The following PTPN3 variants were observed in gnomAD, a reference collection of about 807,000 sequenced individuals.
PTPN3 encodes tyrosine-protein phosphatase non-receptor type 3.
Under a neutral mutation model 132.7 loss-of-function variants are expected in PTPN3, and 96 were observed. That is an observed-to-expected ratio of 0.72 (90% CI 0.61 to 0.86). The LOEUF (loss-of-function observed/expected upper bound fraction) is 0.86, where lower values mean the gene tolerates loss of function less well. PTPN3 is among the 40% of genes least tolerant of loss of function. The probability of loss-of-function intolerance (pLI) is 0.00; values close to 1 mark genes in which losing one functional copy is unlikely to be tolerated. For missense variants in PTPN3, 1,125 were observed against 1,159.6 expected, an observed-to-expected ratio of 0.97 and a Z score of 0.43; for synonymous variants, 398 against 429.0, an observed-to-expected ratio of 0.93 and a Z score of 0.89.
At chr9:109,529,283 G>T in the PTPN3 span, among the ~76,000 whole-genome samples, 2 of 152,204 alleles carry the variant, frequency 1.3e-5, no homozygotes, top group South Asian at 2.1e-4. Context: ...CACCATCAGG[G>T]AACTTATTAG....
the PTPN3 span, among the ~76,000 whole-genome samples, chr9:109,518,136 A>T: frequency 6.6e-6 from 1 of 152,172 alleles, no homozygotes; most frequent in South Asian, 2.1e-4. Flanking sequence ...TCCCTTCATT[A>T]CATACTCTCC....
intron 10 of PTPN3, among the ~76,000 whole-genome samples, chr9:109,429,331 C>T (rs995570159): frequency 1.1e-4 from 16 of 152,182 alleles, no homozygotes; most frequent in African/African-American, 3.9e-4. Context: ...ACCTGCACCC[C>T]GGTCTCAGCT....
At chr9:109,518,474 T>C in the PTPN3 span, among the ~76,000 whole-genome samples, 5 of 152,154 alleles carry the variant, frequency 3.3e-5, no homozygotes, top group Non-Finnish European at 7.4e-5. Flanking sequence ...GATGCTCCCA[T>C]TGGACAGGTG....
the PTPN3 span, among the ~76,000 whole-genome samples, chr9:109,531,835 G>T: frequency 7.5e-6 from 1 of 133,946 alleles, no homozygotes; most frequent in Non-Finnish European, 1.6e-5. Context: ...CTAGACATTT[G>T]CCAAGTGATT....
At position 109,431,666 on chromosome 9, in the gene PTPN3, T is replaced by C. The variant is rs539562898; in HGVS notation, c.764+1407A>G. 1.5e-4 allele frequency among the ~76,000 whole-genome samples: 23 copies of C among 152,306 alleles called. No individual in the cohort carries two copies. The South Asian group carries it at 1.7e-3, about 11-fold the overall frequency. On this transcript the variant is annotated intron_variant, in intron 10 of 25. Coordinates refer to ENST00000374541, the MANE Select transcript of PTPN3 (RefSeq NM_002829.4). Reference sequence around the variant, plus strand: ...CGTCACATTTTTTGGTTTTGGAAAATAGATATATTGAAACTTAACTGAACA... The same window carrying C: ...CGTCACATTTTTTGGTTTTGGAAAACAGATATATTGAAACTTAACTGAACA...
chr9:109,385,385 C>G (rs896321968), intron 22 of PTPN3, among the ~76,000 whole-genome samples: 1 of 152,218 alleles, frequency 6.6e-6, no homozygotes, highest in Non-Finnish European at 1.5e-5. Flanking sequence ...GGCGATGATT[C>G]TGAAGCTTCA....
At chr9:109,528,228 G>A in the PTPN3 span, among the ~76,000 whole-genome samples, 1 of 152,136 alleles carries the variant, frequency 6.6e-6, no homozygotes, top group Non-Finnish European at 1.5e-5. Flanking sequence ...ACAATGTCAC[G>A]TGGCAAATAC....
intron 9 of PTPN3, among the ~76,000 whole-genome samples, chr9:109,435,156 G>T (rs1327951649): frequency 1.3e-5 from 2 of 152,136 alleles, no homozygotes; most frequent in Non-Finnish European, 2.9e-5. Flanking sequence ...GAATGGTTTG[G>T]GTGGGCCAAA....
intron 1 of PTPN3, among the ~76,000 whole-genome samples, chr9:109,480,124 T>G (rs913260956): frequency 2.0e-5 from 3 of 152,194 alleles, no homozygotes; most frequent in African/African-American, 7.2e-5. Flanking sequence ...TGTGCATCTT[T>G]AGAGAAATGT....
intron 25 of PTPN3, among the ~76,000 whole-genome samples, chr9:109,379,906 GC>G (rs1189158649): frequency 2.6e-5 from 4 of 152,186 alleles, no homozygotes; most frequent in Non-Finnish European, 4.4e-5. Context: ...CTGCGGGACA[GC>G]CCTTCTTGTA....
chr9:109,419,281 G>C, intron 14 of PTPN3, among the ~76,000 whole-genome samples: 1 of 152,234 alleles, frequency 6.6e-6, no homozygotes, highest in African/African-American at 2.4e-5. Context: ...ATACAAATGG[G>C]AAGGAGATTT....
At chr9:109,441,798 G>A (rs981453704) in intron 7 of PTPN3, among the ~76,000 whole-genome samples, 1 of 151,694 alleles carries the variant, frequency 6.6e-6, no homozygotes, top group South Asian at 2.1e-4. Context: ...CTGGTGTGCA[G>A]TGGCATGATC....
At chr9:109,483,914 G>T (rs1185793076) in intron 1 of PTPN3, among the ~76,000 whole-genome samples, 1 of 152,182 alleles carries the variant, frequency 6.6e-6, no homozygotes, top group Non-Finnish European at 1.5e-5. Context: ...CTGGACCAGT[G>T]ACTTCAGCAT....
intron 18 of PTPN3, 54 bp downstream of exon 18, chr9:109,406,408 C>A: frequency 6.4e-7 from 1 of 1,573,552 alleles, no homozygotes; most frequent in Non-Finnish European, 8.7e-7. Flanking sequence ...CTGGAGCAGG[C>A]GCAGCTTGGC....
In PTPN3 at chr9:109,420,578, C is replaced by T. The variant is rs756619933; in HGVS notation, c.1159G>A (p.Glu387Lys). The T allele has an allele frequency of 1.6e-5, 26 of 1,610,482 alleles. No homozygotes were observed. Among genetic ancestry groups the T allele is most frequent in the African/African-American group, 4.0e-5 (3 of 74,956 alleles). ...GAAGAGTGGCGTGGCTTTCGGATTT[C>T]GTGCCGGAGCCGAGGACTTCGCCTG... ...PNWRSPRLRH[E>K]IRKPRHSSAD... Residue 387 changes from glutamate (E) to lysine (K), a missense_variant, in exon 14 of 26, where the codon GAA (glutamate) becomes AAA (lysine). Glu to Lys is a moderately conservative substitution (Grantham distance 56). Transcript: ENST00000374541.
chr9:109,512,910 C>A, the PTPN3 span, among the ~76,000 whole-genome samples: 1 of 152,216 alleles, frequency 6.6e-6, no homozygotes. Context: ...CCTCCTCCTG[C>A]CCCTAAGTGT....
chr9:109,506,306 A>C, the PTPN3 span, among the ~76,000 whole-genome samples: 1 of 152,214 alleles, frequency 6.6e-6, no homozygotes, highest in East Asian at 1.9e-4. Context: ...CCTTAAAATA[A>C]ACACATCAAA....
intron 1 of PTPN3, among the ~76,000 whole-genome samples, chr9:109,479,377 G>T (rs907412063): frequency 6.6e-6 from 1 of 152,164 alleles, no homozygotes; most frequent in African/African-American, 2.4e-5. Flanking sequence ...TTTTATGACT[G>T]AATGATATTC....
intron 25 of PTPN3, 76 bp downstream of exon 25, chr9:109,381,576 A>G (rs1839089890): frequency 6.4e-7 from 1 of 1,561,468 alleles, no homozygotes; most frequent in Admixed American, 1.7e-5. Context: ...TTGACTCACA[A>G]AGCCCTTCTC....
Sources: allele counts gnomAD v4.1 joint callset (sites outside exome capture counted in the v4.1 genomes callset), GRCh38; gene constraint gnomAD v4.1.1; transcripts MANE v1.5; gene names NCBI Gene and HGNC (gene_info 2026-07-23, HGNC 2026-07-21).